The following SPAG16 variants were observed in gnomAD, a reference collection of about 807,000 sequenced individuals.
SPAG16 encodes sperm associated antigen 16.
Under a neutral mutation model 80.4 loss-of-function variants are expected in SPAG16, and 86 were observed. That is an observed-to-expected ratio of 1.07 (90% CI 0.90 to 1.28). The LOEUF (loss-of-function observed/expected upper bound fraction) is 1.28, where lower values mean the gene tolerates loss of function less well. Ranked by LOEUF, SPAG16 falls within the 50% of genes most tolerant of loss-of-function variation. SPAG16 has a pLI of 0.00. For synonymous variants in SPAG16, 294 were observed against 265.9 expected, an observed-to-expected ratio of 1.11 and a Z score of -1.03; for missense variants, 870 against 765.3, an observed-to-expected ratio of 1.14 and a Z score of -1.61.
At position 213,387,431 on chromosome 2, in the gene SPAG16, C is replaced by CTTTTTTTTTTTTTTTTTTTTTTTT. The variant is rs71060428; in HGVS notation, c.942+12318_942+12341dup. On this transcript the variant is annotated intron_variant, in intron 9 of 15. Transcript: ENST00000331683. ...TTTGGGTTGGAATGAAATGCATGCT[C>CTTTTTTTTTTTTTTTTTTTTTTTT]TTTTTTTTTTTTTTTTTTTTTTTTT... 1.0e-4 allele frequency among the ~76,000 whole-genome samples: 5 copies of CTTTTTTTTTTTTTTTTTTTTTTTT among 47,916 alleles called. 1 individual carries two copies. Among genetic ancestry groups the CTTTTTTTTTTTTTTTTTTTTTTTT allele is most frequent in the Non-Finnish European group, 1.3e-4 (4 of 30,792 alleles). 31.4% of individuals were successfully genotyped at this position (47,916 alleles called of 152,430 possible).
chr2:214,289,222 G>A (rs1053596643), intron 15 of SPAG16, among the ~76,000 whole-genome samples: 1 of 152,136 alleles, frequency 6.6e-6, no homozygotes, highest in African/African-American at 2.4e-5. Flanking sequence ...TTGTTTCCTT[G>A]CTATGTAGCT....
At chr2:213,899,763 A>T (rs2077141761) in intron 11 of SPAG16, among the ~76,000 whole-genome samples, 1 of 152,098 alleles carries the variant, frequency 6.6e-6, no homozygotes, top group African/African-American at 2.4e-5. Flanking sequence ...GGTGTGCAAT[A>T]ACTGAAAAAA....
chr2:214,303,197 TG>T (rs1559196444), intron 15 of SPAG16, among the ~76,000 whole-genome samples: 1 of 152,234 alleles, frequency 6.6e-6, no homozygotes, highest in African/African-American at 2.4e-5. Flanking sequence ...TAGTCTCAAT[TG>T]TGTAACTGCT....
intron 9 of SPAG16, among the ~76,000 whole-genome samples, chr2:213,446,575 T>TTAATAATTC (rs1379566408): frequency 6.6e-6 from 1 of 152,236 alleles, no homozygotes; most frequent in African/African-American, 2.4e-5. Context: ...TAGGTTTTAT[T>TTAATAATTC]TAATAATTCT....
chr2:213,447,237 T>TG (rs2071374271), intron 9 of SPAG16, among the ~76,000 whole-genome samples: 2 of 152,286 alleles, frequency 1.3e-5, no homozygotes, highest in South Asian at 4.1e-4. Context: ...CATCCTACTT[T>TG]GCATAGGAGG....
chr2:213,449,936 A>C (rs2071585817), intron 9 of SPAG16, among the ~76,000 whole-genome samples: 4 of 152,310 alleles, frequency 2.6e-5, no homozygotes, highest in Admixed American at 2.6e-4. Flanking sequence ...TGATTATTTT[A>C]TTTTCCACCA....
intron 14 of SPAG16, among the ~76,000 whole-genome samples, chr2:214,134,369 A>G (rs1292665078): frequency 6.6e-6 from 1 of 152,186 alleles, no homozygotes; most frequent in Admixed American, 6.5e-5. Flanking sequence ...CCTAGTCTTG[A>G]CAGGCTATTT....
At chr2:213,581,928 G>A (rs562695943) in intron 10 of SPAG16, among the ~76,000 whole-genome samples, 2 of 152,090 alleles carry the variant, frequency 1.3e-5, no homozygotes, top group South Asian at 4.1e-4. Context: ...TTCCTTTTTT[G>A]CAGTAAGCCA....
chr2:214,276,967 A>G (rs536018993), intron 15 of SPAG16, among the ~76,000 whole-genome samples: 31 of 151,422 alleles, frequency 2.0e-4, no homozygotes, highest in African/African-American at 7.0e-4. Context: ...ATAGTCCCAT[A>G]TTTCTCGGAG....
intron 14 of SPAG16, among the ~76,000 whole-genome samples, chr2:214,136,462 T>A (rs2055057211): frequency 6.6e-6 from 1 of 152,210 alleles, no homozygotes; most frequent in Non-Finnish European, 1.5e-5. Flanking sequence ...GTACAAGTTA[T>A]TGTAATGATG....
intron 12 of SPAG16, among the ~76,000 whole-genome samples, chr2:213,950,706 T>TTTC (rs2079719328): frequency 1.2e-5 from 1 of 82,810 alleles, no homozygotes; most frequent in Non-Finnish European, 3.0e-5. Context: ...TTCTTTCTTT[T>TTTC]TTTTTTTTTT....
At chr2:213,913,626 CA>C (rs2106178280) in intron 11 of SPAG16, among the ~76,000 whole-genome samples, 1 of 10,114 alleles carries the variant, frequency 9.9e-5, no homozygotes, top group African/African-American at 1.5e-4. Flanking sequence ...TGTATATGTA[CA>C]TGTACATATA....
At chr2:213,331,423 G>T (rs2064102458) in intron 5 of SPAG16, among the ~76,000 whole-genome samples, 1 of 152,154 alleles carries the variant, frequency 6.6e-6, no homozygotes, top group African/African-American at 2.4e-5. Flanking sequence ...ACCCAACACT[G>T]GAGCACCCAG....
rs907466525 is a variant in SPAG16, at chr2:213,720,277, T to C, written c.1071-142208T>C. On this transcript the variant is annotated intron_variant, in intron 10 of 15. Transcript: ENST00000331683. ...GTGCAGCAAACCATCATGGCACGTG[T>C]ATACCTATGTAATAAACCTGCTGGT... Among the ~76,000 whole-genome samples, 28 of 152,082 alleles carry C rather than the reference T, an allele frequency of 1.8e-4. 1 individual carries two copies. The highest frequency in any genetic ancestry group is 6.5e-4 in the African/African-American group (27 of 41,444).
rs2075188720 is a variant in SPAG16, at chr2:213,856,768, A to C, written c.1071-5717A>C. ...ACCGAGTCCCAAGACTGCACAAAGC[A>C]GCAAGTACCTGGGCCTGGCTCATGA... On this transcript the variant is annotated intron_variant, in intron 10 of 15. Transcript: ENST00000331683. 2.6e-5 allele frequency among the ~76,000 whole-genome samples: 4 copies of C among 152,210 alleles called. No homozygotes were observed. In the South Asian group the frequency reaches 8.3e-4, roughly 32 times the overall value.
intron 13 of SPAG16, among the ~76,000 whole-genome samples, chr2:214,088,488 GTACAAGCTTACAGGAAAAAAAC>G (rs2051935710): frequency 6.6e-6 from 1 of 151,938 alleles, no homozygotes; most frequent in Non-Finnish European, 1.5e-5. Context: ...AAAGAAAAAT[GTACAAGCTTACAGGAAAAAAAC>G]TACATTAGCC....
chr2:214,250,751 TATATATAGAGAG>T (rs1457331325), intron 15 of SPAG16, among the ~76,000 whole-genome samples: 2,879 of 98,744 alleles, frequency 0.029, 35 homozygotes, highest in Middle Eastern at 0.066. Flanking sequence ...TATATATATA[TATATATAGAGAG>T]AGAGAGAGAG....
intron 15 of SPAG16, among the ~76,000 whole-genome samples, chr2:214,211,864 A>G (rs192609453): frequency 1.5e-4 from 23 of 152,168 alleles, no homozygotes; most frequent in Admixed American, 1.3e-3. Context: ...CTTATACCCT[A>G]CATTCCACCC....
intron 15 of SPAG16, among the ~76,000 whole-genome samples, chr2:214,287,007 A>G (rs1693415530): frequency 6.6e-6 from 1 of 152,208 alleles, no homozygotes; most frequent in African/African-American, 2.4e-5. Context: ...ATATATTTGG[A>G]GATTAATAAA....
Sources: gnomAD v4.1 joint callset for allele counts (sites outside exome capture counted in the v4.1 genomes callset) on GRCh38, gnomAD v4.1.1 for gene constraint, MANE v1.5 for transcripts, NCBI Gene and HGNC (gene_info 2026-07-23, HGNC 2026-07-21) for gene names.